HMG20A: variants seen among roughly 807,000 people sequenced by gnomAD.
HMG20A encodes high mobility group 20A, also known as high mobility group protein 20A.
A neutral mutation model predicts 43.9 loss-of-function variants in HMG20A; 17 were observed. That is an observed-to-expected ratio of 0.39 (90% CI 0.27 to 0.58). HMG20A has a LOEUF of 0.58. Ranked by LOEUF, HMG20A falls within the 20% of genes least tolerant of loss-of-function variation. The pLI is 0.59. For synonymous variants in HMG20A, 132 were observed against 147.5 expected, an observed-to-expected ratio of 0.89 and a Z score of 0.76; for missense variants, 341 against 438.2, an observed-to-expected ratio of 0.78 and a Z score of 1.98.
At chr15:77,499,126 C>T in the HMG20A span, among the ~76,000 whole-genome samples, 13 of 152,326 alleles carry the variant, frequency 8.5e-5, no homozygotes, top group African/African-American at 2.9e-4. Context: ...TATTCTAATA[C>T]ATTCTACCAT....
At chr15:77,479,554 G>A (rs907343165) in intron 9 of HMG20A, 1 of 434,872 alleles carries the variant, frequency 2.3e-6, no homozygotes, top group Non-Finnish European at 4.1e-6. Flanking sequence ...GAGCCCAGCA[G>A]TTCAAGTCCA....
chr15:77,506,384 G>C, the HMG20A span, among the ~76,000 whole-genome samples: 1 of 152,112 alleles, frequency 6.6e-6, no homozygotes, highest in South Asian at 2.1e-4. Context: ...GCTGGTTCAC[G>C]ATGAAGCCGC....
At chr15:77,511,813 T>A in the HMG20A span, among the ~76,000 whole-genome samples, 8 of 152,292 alleles carry the variant, frequency 5.3e-5, no homozygotes, top group Non-Finnish European at 7.3e-5. Context: ...TTGGTAGGAA[T>A]ATAAAATAGT....
intron 6 of HMG20A, among the ~76,000 whole-genome samples, chr15:77,474,215 G>C (rs954410556): frequency 6.6e-6 from 1 of 152,110 alleles, no homozygotes; most frequent in African/African-American, 2.4e-5. Flanking sequence ...AAAATGGCTT[G>C]AGCAGAGGTA....
intron 5 of HMG20A, 21 bp from the exon 6 acceptor site, chr15:77,471,762 C>T (rs2072810926): frequency 6.5e-7 from 1 of 1,548,368 alleles, no homozygotes; most frequent in Non-Finnish European, 8.9e-7. Flanking sequence ...GTAATGTTCT[C>T]TTATTCTTTT....
chr15:77,426,546 T>C (rs1208019320), intron 1 of HMG20A, among the ~76,000 whole-genome samples: 2 of 152,150 alleles, frequency 1.3e-5, no homozygotes. Context: ...TTGAGTAGGC[T>C]GAGAAGGAGG....
At chr15:77,434,818 G>C (rs1039482116) in intron 1 of HMG20A, among the ~76,000 whole-genome samples, 1 of 152,076 alleles carries the variant, frequency 6.6e-6, no homozygotes, top group Non-Finnish European at 1.5e-5. Context: ...AGCCATTTTG[G>C]AAAACAATTT....
At chr15:77,473,364 C>G (rs2072827569) in intron 6 of HMG20A, among the ~76,000 whole-genome samples, 1 of 152,196 alleles carries the variant, frequency 6.6e-6, no homozygotes, top group Admixed American at 6.5e-5. Context: ...TTACTTCTCT[C>G]TTTCTTTGCC....
chr15:77,457,100 C>A (rs1195029662), intron 1 of HMG20A, among the ~76,000 whole-genome samples: 1 of 152,072 alleles, frequency 6.6e-6, no homozygotes, highest in African/African-American at 2.4e-5. Flanking sequence ...TGGAACTTGG[C>A]CTGCTAAATA....
chr15:77,517,025 C>T, the HMG20A span, among the ~76,000 whole-genome samples: 12 of 152,294 alleles, frequency 7.9e-5, no homozygotes, highest in African/African-American at 2.4e-4. Context: ...GACCCCTGCT[C>T]GAGCCAGTCT....
rs1435894222 is a variant in HMG20A, at chr15:77,468,327, CAG to C, written c.450+1021_450+1022del. Among the ~76,000 whole-genome samples, 5 of 152,050 alleles carry C rather than the reference CAG, an allele frequency of 3.3e-5. No homozygotes were observed. In the South Asian group the frequency reaches 6.2e-4, roughly 19 times the overall value. On this transcript the variant is annotated intron_variant, in intron 4 of 9. Transcript: ENST00000336216. ...TGTATAAACAAAAATGTAAAAATAA[CAG>C]TGCTTATTTCTTGGGATAACCACTA...
At chr15:77,475,795 G>A (rs1263923513) in intron 6 of HMG20A, among the ~76,000 whole-genome samples, 1 of 152,134 alleles carries the variant, frequency 6.6e-6, no homozygotes, top group Non-Finnish European at 1.5e-5. Context: ...TGCGAAATAT[G>A]GCTAAGATTC....
chr15:77,478,260 G>T (rs767645716), intron 7 of HMG20A, 35 bp from the exon 8 acceptor site: 1 of 1,605,736 alleles, frequency 6.2e-7, no homozygotes, highest in Non-Finnish European at 8.5e-7. Context: ...ACTCCTTCTA[G>T]TGCTGCATGT....
chr15:77,504,868 TG>T, the HMG20A span, among the ~76,000 whole-genome samples: 1 of 152,328 alleles, frequency 6.6e-6, no homozygotes, highest in South Asian at 2.1e-4. Context: ...TACAGTACTC[TG>T]AGGCTCCATC....
chr15:77,425,245 T>TA (rs371252772), intron 1 of HMG20A, among the ~76,000 whole-genome samples: 23 of 152,346 alleles, frequency 1.5e-4, no homozygotes, highest in African/African-American at 5.5e-4. Context: ...TTGTTGTAGG[T>TA]AGAGTTTATG....
chr15:77,445,794 T>C (rs1400764460), intron 1 of HMG20A, among the ~76,000 whole-genome samples: 3 of 152,186 alleles, frequency 2.0e-5, no homozygotes, highest in Admixed American at 6.5e-5. Flanking sequence ...AGCATGGATA[T>C]GCTGGACAAG....
chr15:77,517,424 G>C, the HMG20A span, among the ~76,000 whole-genome samples: 1 of 151,876 alleles, frequency 6.6e-6, no homozygotes. Context: ...GGCATCCACT[G>C]TCTGTGACCT....
chr15:77,519,836 C>G, the HMG20A span, among the ~76,000 whole-genome samples: 1 of 152,280 alleles, frequency 6.6e-6, no homozygotes, highest in South Asian at 2.1e-4. Flanking sequence ...AGGCCAGAGC[C>G]AAGGGGACTA....
At chr15:77,438,681 A>G (rs2073576791) in intron 1 of HMG20A, among the ~76,000 whole-genome samples, 1 of 152,252 alleles carries the variant, frequency 6.6e-6, no homozygotes, top group African/African-American at 2.4e-5. Context: ...TTATAAGCAC[A>G]ACAATTTGAA....
Sources: gnomAD v4.1 joint callset for allele counts (sites outside exome capture counted in the v4.1 genomes callset) on GRCh38, gnomAD v4.1.1 for gene constraint, MANE v1.5 for transcripts, NCBI Gene and HGNC (gene_info 2026-07-23, HGNC 2026-07-21) for gene names.